AP1S3: variants seen among roughly 807,000 people sequenced by gnomAD.
AP1S3 encodes the protein AP-1 complex subunit sigma-3.
AP1S3 carries 10 observed loss-of-function variants against 20.9 expected under a neutral mutation model. That is an observed-to-expected ratio of 0.48 (90% CI 0.29 to 0.81). The LOEUF (loss-of-function observed/expected upper bound fraction) is 0.81, where lower values mean the gene tolerates loss of function less well. AP1S3 is among the 30% of genes least tolerant of loss of function. AP1S3 has a pLI of 0.08. For missense variants in AP1S3, 154 were observed against 183.8 expected (o/e 0.84, Z 0.94); for synonymous variants, 41 against 61.5 (o/e 0.67, Z 1.56).
At chr2:223,774,667 A>G (rs1314531950) in intron 3 of AP1S3, among the ~76,000 whole-genome samples, 1 of 152,140 alleles carries the variant, frequency 6.6e-6, no homozygotes, top group Non-Finnish European at 1.5e-5. Context: ...AAGTGAACCT[A>G]TATTAGTGAG....
At chr2:223,809,600 C>T (rs192439441) in intron 1 of AP1S3, among the ~76,000 whole-genome samples, 2,066 of 151,722 alleles carry the variant, frequency 0.014, 58 homozygotes, top group African/African-American at 0.046. Context: ...GTCGAGATCG[C>T]GCCACTGCAC....
At chr2:223,804,817 C>A (rs369100345) in intron 1 of AP1S3, among the ~76,000 whole-genome samples, 7 of 151,928 alleles carry the variant, frequency 4.6e-5, no homozygotes, top group African/African-American at 1.7e-4. Context: ...GTAAAATCTG[C>A]AAATTATGTT....
At chr2:223,789,346 A>G (rs73086176) in intron 1 of AP1S3, among the ~76,000 whole-genome samples, 12,762 of 152,082 alleles carry the variant, frequency 0.084, 1,789 homozygotes, top group African/African-American at 0.29. Context: ...AAATAAAATC[A>G]AAGGAATCTC....
Position 223,777,880 on chromosome 2 carries a change from G to C in AP1S3, c.4-11C>G. On this transcript the variant is annotated splice_polypyrimidine_tract_variant and intron_variant, in intron 1 of 4. Coordinates refer to ENST00000396654, the MANE Select transcript of AP1S3 (RefSeq NM_001039569.2). Reference sequence around the variant, plus strand: ...CAATATGAAATGTATCTAGAACAAAGGACACAAAAAACAGAACCTGATCAA... The same window carrying C: ...CAATATGAAATGTATCTAGAACAAACGACACAAAAAACAGAACCTGATCAA... 1 of 1,602,382 alleles carries C rather than the reference G, an allele frequency of 6.2e-7. No individual in the cohort carries two copies. The highest frequency in any genetic ancestry group is 8.5e-7 in the Non-Finnish European group (1 of 1,175,066).
At chr2:223,800,226 A>G (rs973149139) in intron 1 of AP1S3, among the ~76,000 whole-genome samples, 1 of 151,840 alleles carries the variant, frequency 6.6e-6, no homozygotes, top group African/African-American at 2.4e-5. Context: ...AAAAAAAAAA[A>G]AAAGAAAAAA....
At chr2:223,794,552 A>C (rs1363927713) in intron 1 of AP1S3, among the ~76,000 whole-genome samples, 1 of 152,170 alleles carries the variant, frequency 6.6e-6, no homozygotes, top group Admixed American at 6.5e-5. Context: ...TTATCCTGAC[A>C]GGTTTAACAG....
At position 223,758,257 on chromosome 2, in the gene AP1S3, A is replaced by G. The variant is rs1690271317; in HGVS notation, c.*458T>C. On this transcript the variant is annotated 3_prime_UTR_variant, in exon 5 of 5. Coordinates refer to ENST00000396654, the MANE Select transcript of AP1S3 (RefSeq NM_001039569.2). The stretch of plus-strand genomic sequence containing the variant: ...TAGCATTACATATAAACTCTGCACT[A>G]TTAACATAATTTTGAATTATTATAC... 1 of 976,570 alleles carries G rather than the reference A, an allele frequency of 1.0e-6. No individual in the cohort carries two copies. The highest frequency in any genetic ancestry group is 4.7e-5 in the South Asian group (1 of 21,090). 60.5% of individuals were successfully genotyped at this position (976,570 alleles called of 1,614,324 possible).
Position 223,756,430 on chromosome 2 carries a change from A to C in AP1S3, c.*2285T>G. 1.3e-6 allele frequency: 1 copy of C among 748,074 alleles called. No homozygotes were observed. The highest frequency in any genetic ancestry group is 1.6e-6 in the Non-Finnish European group (1 of 619,494). 46.3% of individuals were successfully genotyped at this position (748,074 alleles called of 1,614,324 possible). A position where few individuals can be genotyped will look rare whatever the true frequency, so the allele number is the denominator to read the frequency against. On this transcript the variant is annotated 3_prime_UTR_variant, in exon 5 of 5. Transcript: ENST00000396654. ...GGGAGGGAAGGAGAGAGAGAGAAGAAGGAAGGAAGAAAGGAAGGAAAAGAA... is the reference window on the plus strand; with the variant it reads ...GGGAGGGAAGGAGAGAGAGAGAAGACGGAAGGAAGAAAGGAAGGAAAAGAA...
At chr2:223,804,479 A>T (rs1559139666) in intron 1 of AP1S3, among the ~76,000 whole-genome samples, 1 of 152,144 alleles carries the variant, frequency 6.6e-6, no homozygotes, top group African/African-American at 2.4e-5. Context: ...TGGGAGGATC[A>T]TTTTAACCCA....
At chr2:223,788,940 T>C (rs16865204) in intron 1 of AP1S3, among the ~76,000 whole-genome samples, 7,506 of 152,188 alleles carry the variant, frequency 0.049, 657 homozygotes, top group East Asian at 0.43. Flanking sequence ...GACTGAATGA[T>C]TCTTCCCTGA....
intron 1 of AP1S3, among the ~76,000 whole-genome samples, chr2:223,833,877 A>G (rs1362422556): frequency 7.4e-6 from 1 of 135,868 alleles, no homozygotes; most frequent in African/African-American, 2.8e-5. Context: ...ATGCCTTTAC[A>G]CTCTTTTTAT....
chr2:223,832,282 T>C (rs1692290083), intron 1 of AP1S3, among the ~76,000 whole-genome samples: 1 of 151,910 alleles, frequency 6.6e-6, no homozygotes, highest in Admixed American at 6.6e-5. Context: ...AAATACACAG[T>C]GTGCTGCTTC....
chr2:223,820,443 C>T (rs1190863679), intron 1 of AP1S3, among the ~76,000 whole-genome samples: 1 of 151,674 alleles, frequency 6.6e-6, no homozygotes, highest in Non-Finnish European at 1.5e-5. Context: ...CGGGGTGTGC[C>T]TGTTTAACTC....
At chr2:223,817,406 C>T (rs1691869560) in intron 1 of AP1S3, among the ~76,000 whole-genome samples, 1 of 151,856 alleles carries the variant, frequency 6.6e-6, no homozygotes, top group Non-Finnish European at 1.5e-5. Context: ...GTCGGGAGTT[C>T]GAGACAAGCC....
Position 223,756,986 on chromosome 2 carries a change from TTC to T in AP1S3, c.*1727_*1728del. 1.0e-6 allele frequency: 1 copy of T among 983,240 alleles called. No individual in the cohort carries two copies. Among genetic ancestry groups the T allele is most frequent in the Non-Finnish European group, 1.2e-6 (1 of 829,808 alleles). 60.9% of individuals were successfully genotyped at this position (983,240 alleles called of 1,614,324 possible). A position where few individuals can be genotyped will look rare whatever the true frequency, so the allele number is the denominator to read the frequency against. Reference sequence around the variant, plus strand: ...ACAGAATACTACAAGCTTTTACTTTTTCTTTTTTTTTTTTTTTTTCTTGAGAC... The same window carrying T: ...ACAGAATACTACAAGCTTTTACTTTTTTTTTTTTTTTTTTTTTCTTGAGAC... On this transcript the variant is annotated 3_prime_UTR_variant, in exon 5 of 5. Transcript: ENST00000396654.
At chr2:223,807,236 C>T (rs2106115329) in intron 1 of AP1S3, among the ~76,000 whole-genome samples, 1 of 152,240 alleles carries the variant, frequency 6.6e-6, no homozygotes, top group South Asian at 2.1e-4. Flanking sequence ...TACTGCACTC[C>T]AGCCTGGGTG....
chr2:223,769,110 C>T (rs6717934), intron 3 of AP1S3, among the ~76,000 whole-genome samples: 39,220 of 152,050 alleles, frequency 0.26, 8,295 homozygotes, highest in East Asian at 0.58. Flanking sequence ...GGGGGTATAT[C>T]ACAGTTTATT....
At chr2:223,773,436 G>A in intron 3 of AP1S3, 1 of 1,220,504 alleles carries the variant, frequency 8.2e-7, no homozygotes, top group Non-Finnish European at 1.1e-6. Flanking sequence ...TTGAAAACAT[G>A]TTATTATACA....
At chr2:223,784,874 C>A (rs1415155159) in intron 1 of AP1S3, among the ~76,000 whole-genome samples, 1 of 151,958 alleles carries the variant, frequency 6.6e-6, no homozygotes, top group African/African-American at 2.4e-5. Flanking sequence ...TAAAATATTT[C>A]TTAAGAATGT....
Sources: allele counts gnomAD v4.1 joint callset (sites outside exome capture counted in the v4.1 genomes callset), GRCh38; gene constraint gnomAD v4.1.1; transcripts MANE v1.5; gene names NCBI Gene and HGNC (gene_info 2026-07-23, HGNC 2026-07-21).